ARL9: variants seen among roughly 807,000 people sequenced by gnomAD.
ARL9 encodes the protein ARF like GTPase 9, also known as ADP-ribosylation factor-like protein 9.
ARL9 carries 14 observed loss-of-function variants against 27.0 expected under a neutral mutation model. The ratio of observed to expected loss-of-function variants is 0.52; its 90% confidence interval spans 0.34 to 0.81. ARL9 has a LOEUF of 0.81. Ranked by LOEUF, ARL9 falls within the 30% of genes least tolerant of loss-of-function variation. ARL9 has a pLI of 0.01. For missense variants in ARL9, 294 were observed against 290.0 expected (o/e 1.01, Z -0.10); for synonymous variants, 106 against 108.7 (o/e 0.98, Z 0.15).
chr4:56,506,040 C>G lies in ARL9; in HGVS notation c.178C>G (p.Gln60Glu). The change falls in exon 1 of 4, where the codon CAA becomes GAA. Residue 60 changes from glutamine to glutamate, a missense_variant. Coordinates refer to ENST00000640821, the MANE Select transcript of ARL9 (RefSeq NM_001363794.2). ...AGAGAAAGAGGAAAAGAGGACAAAGCAAGGGAAGGAGACAAACAAAGAGAA... is the reference window on the plus strand; with the variant it reads ...AGAGAAAGAGGAAAAGAGGACAAAGGAAGGGAAGGAGACAAACAAAGAGAA... ...GKEKEEKRTK[Q>E]GKETNKEKEQ... 2.2e-5 allele frequency: 27 copies of G among 1,228,514 alleles called. No homozygotes were observed. The highest frequency in any genetic ancestry group is 4.1e-5 in the Admixed American group (1 of 24,252). 76.1% of individuals were successfully genotyped at this position (1,228,514 alleles called of 1,614,324 possible). A position where few individuals can be genotyped will look rare whatever the true frequency, so the allele number is the denominator to read the frequency against.
At chr4:56,514,961 G>T (rs1349702637) in intron 2 of ARL9, among the ~76,000 whole-genome samples, 2 of 152,092 alleles carry the variant, frequency 1.3e-5, no homozygotes, top group African/African-American at 4.8e-5. Context: ...TTTAACATTT[G>T]AAAAATAGCC....
intron 2 of ARL9, among the ~76,000 whole-genome samples, chr4:56,516,850 G>A (rs957106719): frequency 2.0e-5 from 3 of 152,074 alleles, no homozygotes; most frequent in Non-Finnish European, 4.4e-5. Context: ...GATCGCTTGA[G>A]CCCAGAAGGC....
chr4:56,505,379 G>A (rs557103633), upstream of ARL9: 11 of 457,162 alleles, frequency 2.4e-5, no homozygotes, highest in Admixed American at 2.1e-4. Context: ...CGGAACCTCT[G>A]GATTCTGACG....
intron 3 of ARL9, among the ~76,000 whole-genome samples, chr4:56,521,287 C>G (rs78456154): frequency 0.084 from 12,647 of 151,354 alleles, 664 homozygotes; most frequent in East Asian, 0.26. Context: ...GTACCATAAA[C>G]TACAAAGATT....
chr4:56,505,673 A>G, upstream of ARL9: 1 of 957,468 alleles, frequency 1.0e-6, no homozygotes, highest in Non-Finnish European at 1.5e-6. Flanking sequence ...AATCGGCTGC[A>G]AGAAGCCCTG....
chr4:56,516,387 A>T (rs1560698337), intron 2 of ARL9, among the ~76,000 whole-genome samples: 1 of 152,234 alleles, frequency 6.6e-6, no homozygotes, highest in Non-Finnish European at 1.5e-5. Context: ...TCTGTTCATT[A>T]AAAAGATGCC....
chr4:56,513,204 C>A (rs375794252), intron 2 of ARL9, among the ~76,000 whole-genome samples: 2 of 151,836 alleles, frequency 1.3e-5, no homozygotes, highest in African/African-American at 4.8e-5. Context: ...TCTAAGGAGG[C>A]TTTTTTTTAG....
intron 2 of ARL9, among the ~76,000 whole-genome samples, chr4:56,516,799 C>T (rs1370655579): frequency 6.6e-6 from 1 of 151,870 alleles, no homozygotes; most frequent in Non-Finnish European, 1.5e-5. Context: ...CATGGTGGCT[C>T]GTGCTTGTAG....
At chr4:56,523,083 G>A (rs1443667018) in intron 3 of ARL9, among the ~76,000 whole-genome samples, 1 of 152,076 alleles carries the variant, frequency 6.6e-6, no homozygotes, top group African/African-American at 2.4e-5. Context: ...AGACTAAAAG[G>A]AAAATGGAAA....
chr4:56,512,113 A>G (rs1369911067), intron 2 of ARL9, among the ~76,000 whole-genome samples: 1 of 152,072 alleles, frequency 6.6e-6, no homozygotes, highest in African/African-American at 2.4e-5. Context: ...GCTATCTCCA[A>G]CGCATCTCTC....
At chr4:56,510,081 T>A (rs144135558) in intron 1 of ARL9, among the ~76,000 whole-genome samples, 1 of 151,994 alleles carries the variant, frequency 6.6e-6, no homozygotes, top group East Asian at 1.9e-4. Flanking sequence ...AGAGGGAGGC[T>A]GGGTGCGGTG....
upstream of ARL9, chr4:56,505,771 G>T: frequency 7.3e-7 from 1 of 1,366,954 alleles, no homozygotes; most frequent in African/African-American, 1.5e-5. Context: ...CGTCTCTGTC[G>T]GGCGTGCACC....
At chr4:56,512,974 T>C (rs1173305747) in intron 2 of ARL9, among the ~76,000 whole-genome samples, 1 of 152,226 alleles carries the variant, frequency 6.6e-6, no homozygotes, top group Non-Finnish European at 1.5e-5. Flanking sequence ...TATACTTGTT[T>C]TGTTCAACAA....
chr4:56,519,079 G>T (rs1025070134), intron 3 of ARL9, among the ~76,000 whole-genome samples: 3 of 152,118 alleles, frequency 2.0e-5, no homozygotes, highest in African/African-American at 7.2e-5. Flanking sequence ...CAACAGATGT[G>T]TGTTGAACTT....
chr4:56,522,072 A>C (rs1578216009), intron 3 of ARL9, among the ~76,000 whole-genome samples: 1 of 140,172 alleles, frequency 7.1e-6, no homozygotes, highest in African/African-American at 2.7e-5. Context: ...TGCAAGCTCC[A>C]CCTCCCAGGC....
At chr4:56,510,445 T>C (rs971843110) in intron 1 of ARL9, among the ~76,000 whole-genome samples, 2 of 151,858 alleles carry the variant, frequency 1.3e-5, no homozygotes, top group East Asian at 1.9e-4. Context: ...AAATTAATAA[T>C]TGAGACCTTA....
Position 56,506,148 on chromosome 4 carries a change from G to T in ARL9, c.279+7G>T. The T allele has an allele frequency of 8.1e-7, 1 of 1,233,596 alleles. No homozygotes were observed. The highest frequency in any genetic ancestry group is 1.0e-6 in the Non-Finnish European group (1 of 989,114). The allele number at this position is 1,233,596 out of a possible 1,614,324, so 76.4% of individuals were successfully genotyped here. ...GACCCCGCTCGAGCCGCTGGTAAGA[G>T]ACCCAGTGCCCAGGACCCCTTGCCC... On this transcript the variant is annotated splice_region_variant and intron_variant, in intron 1 of 3. Coordinates refer to ENST00000640821, the MANE Select transcript of ARL9 (RefSeq NM_001363794.2).
chr4:56,516,589 AAAAAAAAAAAAAAG>A (rs1721771588), intron 2 of ARL9, among the ~76,000 whole-genome samples: 1 of 113,968 alleles, frequency 8.8e-6, no homozygotes, highest in Non-Finnish European at 1.7e-5. Flanking sequence ...TTAGGCAAAA[AAAAAAAAAAAAAAG>A]AAAAAGAAAA....
chr4:56,506,458 C>T (rs1721462796), intron 1 of ARL9, among the ~76,000 whole-genome samples: 1 of 152,090 alleles, frequency 6.6e-6, no homozygotes, highest in Non-Finnish European at 1.5e-5. Context: ...TTAGATCTGT[C>T]CAGCGCGCAA....
Sources: gnomAD v4.1 joint callset for allele counts (sites outside exome capture counted in the v4.1 genomes callset) on GRCh38, gnomAD v4.1.1 for gene constraint, MANE v1.5 for transcripts, NCBI Gene and HGNC (gene_info 2026-07-23, HGNC 2026-07-21) for gene names.